The following PAPOLG variants were observed in gnomAD, a reference collection of about 807,000 sequenced individuals.
PAPOLG encodes the protein poly(A) polymerase gamma.
A neutral mutation model predicts 99.0 loss-of-function variants in PAPOLG; 40 were observed. The ratio of observed to expected loss-of-function variants is 0.40; its 90% confidence interval spans 0.31 to 0.53. The LOEUF (loss-of-function observed/expected upper bound fraction) is 0.53. Among genes scored for constraint, PAPOLG ranks in the 20% least tolerant of loss-of-function variants. PAPOLG has a pLI of 0.41. For synonymous variants in PAPOLG, 310 were observed against 299.3 expected (o/e 1.04, Z -0.37); for missense variants, 675 against 884.1 (o/e 0.76, Z 3.00).
chr2:60,759,015 A>G (rs1670442796), intron 1 of PAPOLG, among the ~76,000 whole-genome samples: 1 of 152,144 alleles, frequency 6.6e-6, no homozygotes, highest in Non-Finnish European at 1.5e-5. Context: ...AGTTTTGCCA[A>G]CCCCTGTTGG....
At chr2:60,761,080 G>A (rs1303362563) in intron 2 of PAPOLG, among the ~76,000 whole-genome samples, 1 of 152,176 alleles carries the variant, frequency 6.6e-6, no homozygotes, top group Non-Finnish European at 1.5e-5. Context: ...ACTGGAATGT[G>A]TGTGTGAGGG....
At chr2:60,782,825 A>G in intron 12 of PAPOLG, 55 bp downstream of exon 12, 3 of 1,503,828 alleles carry the variant, frequency 2.0e-6, no homozygotes, top group Non-Finnish European at 2.7e-6. Flanking sequence ...TTAAAGAAGA[A>G]TGTTAAACAT....
At chr2:60,781,018 A>G (rs1419010374) in intron 10 of PAPOLG, among the ~76,000 whole-genome samples, 1 of 152,184 alleles carries the variant, frequency 6.6e-6, no homozygotes, top group Non-Finnish European at 1.5e-5. Flanking sequence ...TGGGTGTCTT[A>G]TGGACAGTGT....
At chr2:60,795,606 C>CTT (rs70959865) in intron 21 of PAPOLG, among the ~76,000 whole-genome samples, 34,894 of 151,326 alleles carry the variant, frequency 0.23, 4,529 homozygotes, top group African/African-American at 0.33. Flanking sequence ...AAAACCTTCT[C>CTT]TGAGAGTTTA....
chr2:60,757,972 TAGAG>T (rs1219147246), intron 1 of PAPOLG, among the ~76,000 whole-genome samples: 10 of 152,176 alleles, frequency 6.6e-5, no homozygotes, highest in Non-Finnish European at 8.8e-5. Context: ...CTGAAGTAGT[TAGAG>T]AGGAGAGAAT....
chr2:60,799,042 A>G lies in PAPOLG; in HGVS notation c.*1882A>G, dbSNP rs2288712. ...TTTGGGATTGTTCTACAAATAGTCT[A>G]TTTGAGCAAAAATGAATGATTATGA... is the stretch of plus-strand genomic sequence containing the variant. On this transcript the variant is annotated 3_prime_UTR_variant, in exon 22 of 22. Coordinates refer to ENST00000238714, the MANE Select transcript of PAPOLG (RefSeq NM_022894.4). 0.11 allele frequency: 16,524 copies of G among 152,420 alleles called. 873 individuals carry two copies. Among genetic ancestry groups the G allele is most frequent in the Middle Eastern group, 0.14 (42 of 296 alleles). The allele number at this position is 152,420 out of a possible 1,614,324, so 9.4% of individuals were successfully genotyped here.
In PAPOLG at chr2:60,797,332, T is replaced by C. The variant is rs1047222957; in HGVS notation, c.*172T>C. The C allele has an allele frequency of 1.4e-6, 1 of 716,492 alleles. No individual in the cohort carries two copies. The highest frequency in any genetic ancestry group is 2.3e-6 in the Non-Finnish European group (1 of 436,374). 44.4% of individuals were successfully genotyped at this position (716,492 alleles called of 1,614,324 possible). A position where few individuals can be genotyped will look rare whatever the true frequency, so the allele number is the denominator to read the frequency against. ...CTGTCAAACTTTGACCTGTAGATGC[T>C]GTAGCATTCTCTCACTGATTGCTAC... On this transcript the variant is annotated 3_prime_UTR_variant, in exon 22 of 22. Transcript: ENST00000238714.
intron 7 of PAPOLG, 22 bp from the exon 8 acceptor site, chr2:60,775,012 A>T: frequency 6.2e-7 from 1 of 1,611,688 alleles, no homozygotes. Flanking sequence ...ATAGTGAAAA[A>T]TGAATGCTTT....
At position 60,793,726 on chromosome 2, in the gene PAPOLG, A is replaced by C; in HGVS notation, c.1768+11A>C. ...CAGTGATTGGCGCAAGTAGGTATCT[A>C]AACTTGTATATATTAATAATTATAT... On this transcript the variant is annotated intron_variant, in intron 18 of 21. Transcript: ENST00000238714. 6.2e-7 allele frequency: 1 copy of C among 1,608,366 alleles called. No individual in the cohort carries two copies. Among genetic ancestry groups the C allele is most frequent in the Non-Finnish European group, 8.5e-7 (1 of 1,176,872 alleles).
chr2:60,777,960 T>G (rs1179284757), intron 8 of PAPOLG, among the ~76,000 whole-genome samples: 1 of 152,174 alleles, frequency 6.6e-6, no homozygotes, highest in Non-Finnish European at 1.5e-5. Context: ...TGAAAAAGTT[T>G]GAAATATTGT....
At chr2:60,768,230 C>G (rs1324763660) in intron 3 of PAPOLG, among the ~76,000 whole-genome samples, 1 of 152,082 alleles carries the variant, frequency 6.6e-6, no homozygotes, top group East Asian at 1.9e-4. Flanking sequence ...GCCTACCAAG[C>G]AGCTGGGATT....
intron 10 of PAPOLG, among the ~76,000 whole-genome samples, chr2:60,781,668 G>C (rs1317916411): frequency 6.6e-6 from 1 of 152,178 alleles, no homozygotes; most frequent in African/African-American, 2.4e-5. Context: ...CAGCTTTTCT[G>C]AGGAAAAATA....
intron 21 of PAPOLG, among the ~76,000 whole-genome samples, chr2:60,796,227 T>TC: frequency 8.9e-6 from 1 of 112,220 alleles, no homozygotes; most frequent in African/African-American, 3.4e-5. Context: ...TTTTTTTTTT[T>TC]TTTTTTTGGA....
At chr2:60,777,854 G>A (rs1373083308) in intron 8 of PAPOLG, among the ~76,000 whole-genome samples, 3 of 152,126 alleles carry the variant, frequency 2.0e-5, no homozygotes, top group Non-Finnish European at 2.9e-5. Context: ...CAAGTTCACC[G>A]TCTTATATGG....
chr2:60,793,283 G>A (rs1045159759), intron 17 of PAPOLG, among the ~76,000 whole-genome samples: 21 of 151,286 alleles, frequency 1.4e-4, no homozygotes, highest in Admixed American at 1.1e-3. Flanking sequence ...GGGGCCAGGC[G>A]TGGTGGGTCA....
At chr2:60,789,210 GA>G (rs1408592311) in intron 15 of PAPOLG, among the ~76,000 whole-genome samples, 2 of 151,946 alleles carry the variant, frequency 1.3e-5, no homozygotes, top group African/African-American at 2.4e-5. Context: ...ATAGCTTTAG[GA>G]AGTACACCTT....
chr2:60,786,787 C>T, intron 13 of PAPOLG, 160 bp from the exon 14 acceptor site: 2 of 373,840 alleles, frequency 5.3e-6, no homozygotes, highest in Non-Finnish European at 7.4e-6. Flanking sequence ...ACTCTTGCCT[C>T]CCAAAGTGCT....
chr2:60,768,967 T>C (rs1228792667), intron 5 of PAPOLG, 77 bp downstream of exon 5: 10 of 1,062,928 alleles, frequency 9.4e-6, no homozygotes, highest in Non-Finnish European at 1.3e-5. Context: ...CTTAAAACTA[T>C]TGAAATACCT....
intron 8 of PAPOLG, among the ~76,000 whole-genome samples, chr2:60,779,156 C>T (rs887402232): frequency 2.0e-5 from 3 of 151,840 alleles, no homozygotes; most frequent in Admixed American, 1.3e-4. Context: ...GAGAGGTATC[C>T]AAATTCTGTG....
Sources: allele counts gnomAD v4.1 joint callset (sites outside exome capture counted in the v4.1 genomes callset), GRCh38; gene constraint gnomAD v4.1.1; transcripts MANE v1.5; gene names NCBI Gene and HGNC (gene_info 2026-07-23, HGNC 2026-07-21).